Variants in ZC4H2 observed in about 807,000 individuals in gnomAD.
ZC4H2 encodes zinc finger C4H2 domain-containing protein.
For synonymous variants in ZC4H2, 84 were observed against 66.3 expected, an observed-to-expected ratio of 1.27 and a Z score of -1.30; for missense variants, 137 against 173.9, an observed-to-expected ratio of 0.79 and a Z score of 1.19.
At chrX:64,940,732 C>G (rs1341066428) in intron 1 of ZC4H2, among the ~76,000 whole-genome samples, 2 of 110,655 alleles carry the variant, frequency 1.8e-5, no homozygotes, top group Admixed American at 9.6e-5. Context: ...ATTTCTGAGG[C>G]CTCTGTTCTG....
intron 1 of ZC4H2, among the ~76,000 whole-genome samples, chrX:64,942,307 C>T (rs750350080): frequency 9.1e-6 from 1 of 110,095 alleles, no homozygotes; most frequent in Admixed American, 9.7e-5. Flanking sequence ...TCTGGCTAGC[C>T]GTCTATTTTG....
chrX:64,941,359 T>C (rs771346449), intron 1 of ZC4H2, among the ~76,000 whole-genome samples: 8 of 112,140 alleles, frequency 7.1e-5, no homozygotes, highest in Non-Finnish European at 1.5e-4. Flanking sequence ...TTTGACTTCC[T>C]CTCTTCCTAT....
intron 1 of ZC4H2, among the ~76,000 whole-genome samples, chrX:64,995,938 G>C (rs1038824087): frequency 1.2e-4 from 13 of 112,102 alleles, no homozygotes; most frequent in African/African-American, 3.2e-4. Flanking sequence ...AATGAAATAT[G>C]CAACAGGTCT....
chrX:64,938,935 C>T (rs1302273652), intron 1 of ZC4H2, among the ~76,000 whole-genome samples: 4 of 111,795 alleles, frequency 3.6e-5, no homozygotes, highest in Non-Finnish European at 7.5e-5. Flanking sequence ...AATTTCTGGC[C>T]ACGACAATCA....
chrX:64,977,793 C>T (rs1255839376), upstream of ZC4H2, among the ~76,000 whole-genome samples: 4 of 112,194 alleles, frequency 3.6e-5, no homozygotes, highest in Non-Finnish European at 3.8e-5. Flanking sequence ...TGAGCCACTG[C>T]GCCTGGCCCT....
chrX:64,958,225 T>A (rs1040133599), intron 1 of ZC4H2, among the ~76,000 whole-genome samples: 5 of 112,264 alleles, frequency 4.5e-5, no homozygotes, highest in Non-Finnish European at 9.4e-5. Flanking sequence ...TGCAGTATCA[T>A]CACAAACGTG....
chrX:65,032,309 T>C (rs530370150), intron 1 of ZC4H2, among the ~76,000 whole-genome samples: 38 of 112,378 alleles, frequency 3.4e-4, no homozygotes, highest in South Asian at 1.8e-3. Context: ...ACAGAGAATA[T>C]AGGTTTTATG....
At chrX:65,026,577 T>C (rs908267262) in intron 1 of ZC4H2, among the ~76,000 whole-genome samples, 2 of 110,408 alleles carry the variant, frequency 1.8e-5, no homozygotes, top group African/African-American at 6.6e-5. Flanking sequence ...GGCGTGGTGG[T>C]GGACGCCTGT....
At chrX:64,961,733 A>G (rs1484124164) in intron 1 of ZC4H2, among the ~76,000 whole-genome samples, 1 of 111,556 alleles carries the variant, frequency 9.0e-6, no homozygotes, top group African/African-American at 3.2e-5. Flanking sequence ...ATGAAAGATG[A>G]CACACTACAA....
At chrX:64,974,446 T>C (rs1448664707) in intron 1 of ZC4H2, among the ~76,000 whole-genome samples, 2 of 112,247 alleles carry the variant, frequency 1.8e-5, no homozygotes, top group South Asian at 3.7e-4. Context: ...TTATTTTCTC[T>C]TCTCATTCAA....
chrX:64,956,262 G>C (rs1016718446), intron 1 of ZC4H2, among the ~76,000 whole-genome samples: 1 of 111,503 alleles, frequency 9.0e-6, no homozygotes. Context: ...TAAGTGAGTA[G>C]ACTCTTTAGC....
intron 1 of ZC4H2, among the ~76,000 whole-genome samples, chrX:64,936,163 A>C (rs1453047649): frequency 9.1e-6 from 1 of 109,524 alleles, no homozygotes; most frequent in Non-Finnish European, 1.9e-5. Context: ...AAGCAGAAGA[A>C]AGTATATCAG....
intron 1 of ZC4H2, among the ~76,000 whole-genome samples, chrX:65,017,752 A>C (rs1000678151): frequency 7.1e-5 from 8 of 111,989 alleles, no homozygotes; most frequent in African/African-American, 2.6e-4. Context: ...CTCAAGTTTC[A>C]GTTCCACACT....
intron 1 of ZC4H2, among the ~76,000 whole-genome samples, chrX:64,945,358 G>A (rs1930480409): frequency 1.8e-5 from 2 of 112,022 alleles, no homozygotes; most frequent in Non-Finnish European, 3.8e-5. Flanking sequence ...GTCTGCTGGA[G>A]TTTGCTGGTG....
At chrX:64,917,976 C>T in intron 4 of ZC4H2, 80 bp from the exon 5 acceptor site, 1 of 1,074,477 alleles carries the variant, frequency 9.3e-7, no homozygotes, top group Non-Finnish European at 1.2e-6. Flanking sequence ...TCCCCAGGGG[C>T]CCAGAAAGCA....
intron 1 of ZC4H2, among the ~76,000 whole-genome samples, chrX:64,932,011 T>C (rs1246546327): frequency 9.0e-6 from 1 of 111,690 alleles, no homozygotes; most frequent in Admixed American, 9.5e-5. Context: ...CTAGTACCAA[T>C]TGTTTTATAA....
chrX:65,019,242 G>A (rs1241197951), intron 1 of ZC4H2, among the ~76,000 whole-genome samples: 2 of 112,086 alleles, frequency 1.8e-5, no homozygotes, highest in Non-Finnish European at 3.8e-5. Flanking sequence ...CTGACTGGGA[G>A]ACACCTCCCA....
intron 1 of ZC4H2, among the ~76,000 whole-genome samples, chrX:65,006,259 C>T (rs1158997155): frequency 9.0e-6 from 1 of 111,425 alleles, no homozygotes; most frequent in Non-Finnish European, 1.9e-5. Context: ...CGCATGCACA[C>T]GTATATTTAT....
chrX:64,949,564 T>C (rs1051394501), intron 1 of ZC4H2, among the ~76,000 whole-genome samples: 3 of 111,837 alleles, frequency 2.7e-5, no homozygotes, highest in Admixed American at 9.5e-5. Context: ...TTATTTGACA[T>C]AGCAAGTTAC....
Sources: allele counts gnomAD v4.1 joint callset (sites outside exome capture counted in the v4.1 genomes callset), GRCh38; gene constraint gnomAD v4.1.1; transcripts MANE v1.5; gene names NCBI Gene and HGNC (gene_info 2026-07-23, HGNC 2026-07-21).